The following FHIP2A variants were observed in gnomAD, a reference collection of about 807,000 sequenced individuals.
The protein encoded by FHIP2A is family with sequence similarity 160 member B1.
A neutral mutation model predicts 93.5 loss-of-function variants in FHIP2A; 46 were observed. That is an observed-to-expected ratio of 0.49 (90% CI 0.39 to 0.63). The LOEUF is 0.63. FHIP2A is among the 20% of genes least tolerant of loss of function. The probability of loss-of-function intolerance (pLI) is 0.00; values close to 1 mark genes in which losing one functional copy is unlikely to be tolerated. For missense variants in FHIP2A, 769 were observed against 909.7 expected (o/e 0.85, Z 1.99); for synonymous variants, 332 against 326.5 (o/e 1.02, Z -0.18).
chr10:114,887,245 T>C (rs1481028100), intron 16 of FHIP2A, among the ~76,000 whole-genome samples: 1 of 152,254 alleles, frequency 6.6e-6, no homozygotes, highest in Non-Finnish European at 1.5e-5. Flanking sequence ...ACCTCTTTTC[T>C]AACAGTAGAC....
In FHIP2A at chr10:114,843,826, A is replaced by G. The variant is rs746354009; in HGVS notation, c.902A>G (p.Gln301Arg). ...PEPAAAKCLTQSTCLCELLTD... is the reference protein window; with the variant it reads ...PEPAAAKCLTRSTCLCELLTD... ...CCTGCGGCTGCAAAGTGCCTTACAC[A>G]GAGCACTTGCTTGTGTGAACTACTG... The change falls in exon 7 of 17, where the codon CAG (glutamine) becomes CGG (arginine). Residue 301 changes from glutamine (Q) to arginine (R), a missense_variant. Physicochemically the swap from Gln to Arg is conservative, Grantham distance 43 (BLOSUM62 1). Transcript: ENST00000369248. The G allele has an allele frequency of 2.9e-5, 46 of 1,611,546 alleles. No homozygotes were observed. Among genetic ancestry groups the G allele is most frequent in the Non-Finnish European group, 3.4e-5 (40 of 1,179,474 alleles).
intron 16 of FHIP2A, among the ~76,000 whole-genome samples, chr10:114,891,212 A>C (rs1360676165): frequency 8.0e-6 from 1 of 125,354 alleles, no homozygotes; most frequent in Non-Finnish European, 1.6e-5. Context: ...TAACAACAAC[A>C]ACAACAAATA....
At chr10:114,882,123 G>C (rs1037182682) in intron 16 of FHIP2A, among the ~76,000 whole-genome samples, 1 of 152,204 alleles carries the variant, frequency 6.6e-6, no homozygotes, top group Non-Finnish European at 1.5e-5. Context: ...GCTTACTCAC[G>C]GACAGAAGAG....
At chr10:114,896,108 G>A (rs1404228430) in intron 16 of FHIP2A, among the ~76,000 whole-genome samples, 1 of 152,060 alleles carries the variant, frequency 6.6e-6, no homozygotes, top group Non-Finnish European at 1.5e-5. Flanking sequence ...TTACCAAGGG[G>A]GAAATTGAGC....
At chr10:114,831,926 C>T (rs2083610369) in intron 2 of FHIP2A, among the ~76,000 whole-genome samples, 1 of 152,190 alleles carries the variant, frequency 6.6e-6, no homozygotes, top group African/African-American at 2.4e-5. Context: ...GGTGACCCTT[C>T]TCTATCCATT....
chr10:114,856,252 C>T (rs868728336), intron 14 of FHIP2A, among the ~76,000 whole-genome samples: 1 of 151,884 alleles, frequency 6.6e-6, no homozygotes, highest in African/African-American at 2.4e-5. Flanking sequence ...GTTTAGTCAG[C>T]GTTGTTTCTG....
intron 16 of FHIP2A, among the ~76,000 whole-genome samples, chr10:114,889,829 C>A (rs1354706997): frequency 6.6e-6 from 1 of 152,192 alleles, no homozygotes; most frequent in Non-Finnish European, 1.5e-5. Context: ...ATGAAATAGC[C>A]ATCCAAGCAT....
intron 16 of FHIP2A, among the ~76,000 whole-genome samples, chr10:114,894,104 A>C (rs561985242): frequency 1.3e-5 from 2 of 152,310 alleles, no homozygotes; most frequent in East Asian, 3.9e-4. Flanking sequence ...AGTTAATTTT[A>C]AATGTCATCT....
chr10:114,852,668 C>T (rs1194717159), intron 13 of FHIP2A, among the ~76,000 whole-genome samples: 3 of 152,176 alleles, frequency 2.0e-5, no homozygotes, highest in Non-Finnish European at 4.4e-5. Flanking sequence ...GTTTCCTCAG[C>T]TTGTTCCTTC....
At chr10:114,851,533 C>T (rs952740487) in intron 13 of FHIP2A, among the ~76,000 whole-genome samples, 8 of 151,792 alleles carry the variant, frequency 5.3e-5, no homozygotes, top group African/African-American at 1.7e-4. Context: ...AATTCTATTC[C>T]ACTGACCTAT....
chr10:114,846,511 C>T, intron 10 of FHIP2A, 48 bp from the exon 11 acceptor site: 8 of 1,515,324 alleles, frequency 5.3e-6, no homozygotes, highest in Non-Finnish European at 7.1e-6. Flanking sequence ...AGAAGAGTAA[C>T]TTATGTAAAG....
rs145067451 is a variant in FHIP2A, at chr10:114,863,914, A to C, written c.*2374A>C. The C allele has an allele frequency of 1.9e-5, 20 of 1,078,774 alleles. No homozygotes were observed. In the African/African-American group the frequency reaches 3.4e-4, roughly 18 times the overall value. 66.8% of individuals were successfully genotyped at this position (1,078,774 alleles called of 1,614,324 possible). A position where few individuals can be genotyped will look rare whatever the true frequency, so the allele number is the denominator to read the frequency against. ...GCACATTTTTTAAAACTTTCTAACA[A>C]TATAGTCTTTGGATTTGTTTTTAGT... On this transcript the variant is annotated 3_prime_UTR_variant, in exon 17 of 17. Coordinates refer to ENST00000369248, the MANE Select transcript of FHIP2A (RefSeq NM_020940.4).
intron 2 of FHIP2A, among the ~76,000 whole-genome samples, chr10:114,832,509 CTA>C (rs1336984306): frequency 6.6e-6 from 1 of 151,956 alleles, no homozygotes; most frequent in Non-Finnish European, 1.5e-5. Context: ...CAAGGCCAAC[CTA>C]TTTCTATTTA....
intron 5 of FHIP2A, among the ~76,000 whole-genome samples, chr10:114,840,301 G>A (rs541237790): frequency 7.9e-5 from 12 of 152,240 alleles, no homozygotes; most frequent in Non-Finnish European, 1.5e-4. Flanking sequence ...AGATGTAAAA[G>A]TTTGTGGTGT....
Position 114,863,567 on chromosome 10 carries a change from A to G in FHIP2A, c.*2027A>G. ...TTTTCTAAGTTGTTGTAATGACTTT[A>G]ATTTGTAATCAGCTAAGGCTTAAGA... On this transcript the variant is annotated 3_prime_UTR_variant, in exon 17 of 17. Coordinates refer to ENST00000369248, the MANE Select transcript of FHIP2A (RefSeq NM_020940.4). The G allele has an allele frequency of 8.2e-7, 1 of 1,220,742 alleles. No homozygotes were observed. The highest frequency in any genetic ancestry group is 1.5e-5 in the South Asian group (1 of 68,578). The allele number at this position is 1,220,742 out of a possible 1,614,324, so 75.6% of individuals were successfully genotyped here. A position where few individuals can be genotyped will look rare whatever the true frequency, so the allele number is the denominator to read the frequency against.
downstream of FHIP2A, among the ~76,000 whole-genome samples, chr10:114,865,680 T>C (rs1251922332): frequency 6.6e-6 from 1 of 152,142 alleles, no homozygotes; most frequent in Non-Finnish European, 1.5e-5. Context: ...TGCTTCAAAC[T>C]GTTAAGAATT....
chr10:114,846,853 A>G, intron 11 of FHIP2A, 125 bp downstream of exon 11: 2 of 913,212 alleles, frequency 2.2e-6, no homozygotes. Flanking sequence ...TCTTAAAAGT[A>G]AAATTAGATG....
At chr10:114,825,185 TA>T (rs560470354) in intron 1 of FHIP2A, among the ~76,000 whole-genome samples, 1 of 152,066 alleles carries the variant, frequency 6.6e-6, no homozygotes, top group Admixed American at 6.6e-5. Context: ...ACTCAATTTT[TA>T]AAAAAATTTT....
At chr10:114,844,776 GT>G (rs1209183960) in intron 7 of FHIP2A, among the ~76,000 whole-genome samples, 1 of 151,898 alleles carries the variant, frequency 6.6e-6, no homozygotes, top group Non-Finnish European at 1.5e-5. Flanking sequence ...CAGCTCCACT[GT>G]TTTTTTGTTT....
Sources: allele counts gnomAD v4.1 joint callset (sites outside exome capture counted in the v4.1 genomes callset), GRCh38; gene constraint gnomAD v4.1.1; transcripts MANE v1.5; gene names NCBI Gene and HGNC (gene_info 2026-07-23, HGNC 2026-07-21).